TMEM220: variants seen among roughly 807,000 people sequenced by gnomAD.
TMEM220 encodes the protein transmembrane protein 220.
TMEM220 carries 21 observed loss-of-function variants against 21.7 expected under a neutral mutation model. The observed-to-expected ratio is 0.97, with a 90% CI of 0.69 to 1.39. TMEM220 has a LOEUF of 1.39. Ranked by LOEUF, TMEM220 falls within the 40% of genes most tolerant of loss-of-function variation. TMEM220 has a pLI of 0.00. For synonymous variants in TMEM220, 80 were observed against 73.6 expected (o/e 1.09, Z -0.45); for missense variants, 191 against 201.9 (o/e 0.95, Z 0.33).
chr17:10,722,607 C>T (rs1597529606), intron 5 of TMEM220, among the ~76,000 whole-genome samples: 1 of 152,230 alleles, frequency 6.6e-6, no homozygotes, highest in East Asian at 1.9e-4. Context: ...ACTCCATTTA[C>T]TCTTTTCCAG....
intron 5 of TMEM220, chr17:10,715,855 T>C (rs2074911620): frequency 1.1e-5 from 4 of 348,746 alleles, no homozygotes; most frequent in Non-Finnish European, 2.0e-5. Flanking sequence ...AAAGTTGATC[T>C]TTTCCTAATG....
rs982601615 is a variant in TMEM220 at position 10,715,531 on chromosome 17, T to C, written c.405A>G (p.Pro135=). ...LAIAIVITLF[P]FISWVYIYIN... ...TATATATGTAGACCCATGAGATAAA[T>C]GGGAAAAGTGTGATTACAATGGCAA... Residue 135 remains proline (P), a synonymous_variant, in exon 6 of 6, where the codon CCA becomes CCG. Transcript: ENST00000341871. The C allele has an allele frequency of 6.2e-7, 1 of 1,605,596 alleles. No individual in the cohort carries two copies. The highest frequency in any genetic ancestry group is 1.3e-5 in the African/African-American group (1 of 74,578).
intron 5 of TMEM220, among the ~76,000 whole-genome samples, chr17:10,720,347 C>T (rs1165176013): frequency 6.6e-6 from 1 of 152,182 alleles, no homozygotes; most frequent in Non-Finnish European, 1.5e-5. Context: ...ATGGAGCCAT[C>T]AGCAGAGTAA....
chr17:10,722,375 A>G, intron 5 of TMEM220, among the ~76,000 whole-genome samples: 1 of 152,180 alleles, frequency 6.6e-6, no homozygotes. Context: ...CATTTAATGT[A>G]ATTTCTGATA....
chr17:10,715,703 GTTTTA>G, intron 5 of TMEM220, 115 bp from the exon 6 acceptor site: 1 of 696,650 alleles, frequency 1.4e-6, no homozygotes, highest in Non-Finnish European at 2.2e-6. Flanking sequence ...CATCTCAGTT[GTTTTA>G]TTGAAATATA....
Position 10,715,294 on chromosome 17 carries a change from T to C in TMEM220, c.*159A>G, listed in dbSNP as rs1056671196. 2 of 591,452 alleles carry C rather than the reference T, an allele frequency of 3.4e-6. No homozygotes were observed. The highest frequency in any genetic ancestry group is 3.3e-5 in the East Asian group (1 of 29,948). The allele number at this position is 591,452 out of a possible 1,614,324, so 36.6% of individuals were successfully genotyped here. On this transcript the variant is annotated 3_prime_UTR_variant, in exon 6 of 6. Coordinates refer to ENST00000341871, the MANE Select transcript of TMEM220 (RefSeq NM_001004313.3). ...ATCAGACCATCTCTTACTTGTCCCA[T>C]CCAATCTTACATCGAATTATATGCA...
At chr17:10,724,454 C>T (rs62060720) in intron 4 of TMEM220, 6,087 of 153,214 alleles carry the variant, frequency 0.04, 183 homozygotes, top group Non-Finnish European at 0.063. Flanking sequence ...GTGGCACGCA[C>T]CTGTAATCCC....
intron 5 of TMEM220, chr17:10,715,922 G>T: frequency 2.8e-6 from 1 of 356,512 alleles, no homozygotes; most frequent in Non-Finnish European, 5.1e-6. Flanking sequence ...TTCTCTAGAA[G>T]TTTTGTTTTG....
intron 5 of TMEM220, among the ~76,000 whole-genome samples, chr17:10,722,414 C>T (rs2075003772): frequency 6.6e-6 from 1 of 152,204 alleles, no homozygotes; most frequent in Non-Finnish European, 1.5e-5. Context: ...TATCTTAACA[C>T]ATGCTTCCTA....
chr17:10,721,200 T>G (rs572792425), intron 5 of TMEM220, among the ~76,000 whole-genome samples: 1 of 152,334 alleles, frequency 6.6e-6, no homozygotes, highest in African/African-American at 2.4e-5. Context: ...AAAGGTTTAC[T>G]AGGGTCATGT....
In TMEM220 at chr17:10,715,600, C is replaced by A; in HGVS notation, c.348-12G>T. Reference sequence around the variant, plus strand: ...CACCAACTGGATTCCTATAAAGACACAAAAATTATTATAAATAAAAATCAT... The same window carrying A: ...CACCAACTGGATTCCTATAAAGACAAAAAAATTATTATAAATAAAAATCAT... On this transcript the variant is annotated splice_polypyrimidine_tract_variant and intron_variant, in intron 5 of 5. Coordinates refer to ENST00000341871, the MANE Select transcript of TMEM220 (RefSeq NM_001004313.3). The A allele has an allele frequency of 6.4e-7, 1 of 1,552,938 alleles. No individual in the cohort carries two copies. The highest frequency in any genetic ancestry group is 1.4e-5 in the African/African-American group (1 of 71,690).
Position 10,726,282 on chromosome 17 carries a change from G to A in TMEM220, c.103-18C>T, listed in dbSNP as rs1261691309. On this transcript the variant is annotated intron_variant, in intron 2 of 5. Coordinates refer to ENST00000341871, the MANE Select transcript of TMEM220 (RefSeq NM_001004313.3). ...TACACCACCTGTTAGCAAAAAGGGA[G>A]GAAATTACATGAGTTAAGATGTATG... The A allele has an allele frequency of 1.2e-6, 2 of 1,607,176 alleles. No individual in the cohort carries two copies. Among genetic ancestry groups the A allele is most frequent in the South Asian group, 1.1e-5 (1 of 90,928 alleles).
chr17:10,718,611 C>A (rs992204979), intron 5 of TMEM220, among the ~76,000 whole-genome samples: 1 of 152,008 alleles, frequency 6.6e-6, no homozygotes, highest in African/African-American at 2.4e-5. Context: ...TTAGCTGCAT[C>A]TCACACATTT....
At chr17:10,716,300 C>A in intron 5 of TMEM220, 1 of 664,842 alleles carries the variant, frequency 1.5e-6, no homozygotes, top group Non-Finnish European at 2.9e-6. Flanking sequence ...GCATCATCCT[C>A]TTTGGTAATT....
chr17:10,721,995 C>CT (rs139767679), intron 5 of TMEM220, among the ~76,000 whole-genome samples: 11 of 125,980 alleles, frequency 8.7e-5, no homozygotes, highest in African/African-American at 1.2e-4. Flanking sequence ...GTTTTTCTTT[C>CT]TTTTTTTTTT....
intron 5 of TMEM220, 28 bp downstream of exon 5, chr17:10,723,242 G>A (rs1409626364): frequency 2.5e-6 from 4 of 1,609,798 alleles, no homozygotes; most frequent in Non-Finnish European, 2.6e-6. Flanking sequence ...GCCTCCCAAA[G>A]TGAAGATGTG....
intron 5 of TMEM220, among the ~76,000 whole-genome samples, chr17:10,717,417 G>A (rs2074934718): frequency 6.6e-6 from 1 of 152,152 alleles, no homozygotes; most frequent in Non-Finnish European, 1.5e-5. Context: ...TTTCTGTATG[G>A]CTCTAGAAGA....
chr17:10,721,110 AG>A (rs751806920), intron 5 of TMEM220, among the ~76,000 whole-genome samples: 2 of 152,232 alleles, frequency 1.3e-5, no homozygotes, highest in Non-Finnish European at 2.9e-5. Context: ...TGTTGATTCC[AG>A]GTCTGTGGCC....
chr17:10,711,242 G>A, downstream of TMEM220: 1 of 941,770 alleles, frequency 1.1e-6, no homozygotes, highest in Non-Finnish European at 1.6e-6. Context: ...TATTCAGCTT[G>A]CATAACAAAA....
Sources: allele counts gnomAD v4.1 joint callset (sites outside exome capture counted in the v4.1 genomes callset), GRCh38; gene constraint gnomAD v4.1.1; transcripts MANE v1.5; gene names NCBI Gene and HGNC (gene_info 2026-07-23, HGNC 2026-07-21).